Variants in SDK2 observed in about 807,000 individuals in gnomAD.
SDK2 encodes the protein sidekick cell adhesion molecule 2.
Under a neutral mutation model 253.9 loss-of-function variants are expected in SDK2, and 105 were observed. That is an observed-to-expected ratio of 0.41 (90% CI 0.35 to 0.49). SDK2 has a LOEUF of 0.49. Ranked by LOEUF, SDK2 falls within the 20% of genes least tolerant of loss-of-function variation. The pLI is 0.06. For missense variants in SDK2, 2,608 were observed against 3,003.0 expected (o/e 0.87, Z 3.07); for synonymous variants, 1,249 against 1,234.9 (o/e 1.01, Z -0.24).
At chr17:73,391,121 C>T (rs1210139589) in intron 28 of SDK2, among the ~76,000 whole-genome samples, 3 of 152,224 alleles carry the variant, frequency 2.0e-5, no homozygotes, top group Non-Finnish European at 2.9e-5. Flanking sequence ...AGCCTGCCAG[C>T]GTGCCCTCAC....
intron 36 of SDK2, among the ~76,000 whole-genome samples, chr17:73,369,538 G>A (rs905316023): frequency 1.3e-5 from 2 of 152,260 alleles, no homozygotes; most frequent in African/African-American, 4.8e-5. Context: ...ACTTCCTGGG[G>A]TCCGTGTGAG....
chr17:73,457,295 C>T (rs1599584586), intron 3 of SDK2, among the ~76,000 whole-genome samples: 2 of 36,260 alleles, frequency 5.5e-5, no homozygotes, highest in Non-Finnish European at 9.1e-5. Context: ...TCCCCCCTCC[C>T]TCCCTCCCCC....
At chr17:73,473,755 C>A (rs988679366) in intron 2 of SDK2, among the ~76,000 whole-genome samples, 4 of 152,130 alleles carry the variant, frequency 2.6e-5, no homozygotes, top group African/African-American at 9.7e-5. Context: ...TATCATGAAC[C>A]AGTAACACTT....
At chr17:73,597,063 C>A (rs944959279) in intron 1 of SDK2, among the ~76,000 whole-genome samples, 12 of 152,240 alleles carry the variant, frequency 7.9e-5, no homozygotes, top group African/African-American at 2.7e-4. Context: ...CTGGACTCAC[C>A]TCATCTGAAT....
intron 39 of SDK2, among the ~76,000 whole-genome samples, chr17:73,359,042 C>T (rs2062617914): frequency 6.6e-6 from 1 of 152,028 alleles, no homozygotes; most frequent in Admixed American, 6.5e-5. Context: ...GTCCAGAATC[C>T]CGACCCCACA....
Position 73,499,793 on chromosome 17 carries a change from A to AAAGG in SDK2, c.224+7641_224+7644dup, listed in dbSNP as rs1290539778. Reference sequence around the variant, plus strand: ...TCACCTGTTGTGAGATGACGGCAGTAAAGGACTTGGCACCCATGAGCCTCC... The same window carrying AAAGG: ...TCACCTGTTGTGAGATGACGGCAGTAAAGGAAGGACTTGGCACCCATGAGCCTCC... On this transcript the variant is annotated intron_variant, in intron 2 of 44. Coordinates refer to ENST00000392650, the MANE Select transcript of SDK2 (RefSeq NM_001144952.2). Among the ~76,000 whole-genome samples, 4 of 152,044 alleles carry AAAGG rather than the reference A, an allele frequency of 2.6e-5. No individual in the cohort carries two copies. In the South Asian group the frequency reaches 8.3e-4, roughly 32 times the overall value.
Position 73,570,860 on chromosome 17 carries a change from T to C in SDK2, c.65-63263A>G, listed in dbSNP as rs760718479. On this transcript the variant is annotated intron_variant, in intron 1 of 44. Coordinates refer to ENST00000392650, the MANE Select transcript of SDK2 (RefSeq NM_001144952.2). This position sits in a 1 kb window ranked among gnomAD's most constrained non-coding sequence, Gnocchi z 4.2. ...TGCTCCTCCCAGGCCTGCAGGGACA[T>C]GGCTGACCTCACATGCTCTGTGCCC... 3.9e-5 allele frequency among the ~76,000 whole-genome samples: 6 copies of C among 152,148 alleles called. No individual in the cohort carries two copies. The highest frequency in any genetic ancestry group is 8.8e-5 in the Non-Finnish European group (6 of 68,020).
rs373596617 is a variant in SDK2 at position 73,638,230 on chromosome 17, C to T, written c.64+5795G>A. 1.6e-4 allele frequency among the ~76,000 whole-genome samples: 25 copies of T among 152,302 alleles called. No homozygotes were observed. In the South Asian group the frequency reaches 2.3e-3, roughly 14 times the overall value. ...TGCCTCCAGTAAGCATTCATTCATT[C>T]ATTCAGTCTTCATATTATGCTGACT... On this transcript the variant is annotated intron_variant, in intron 1 of 44. Coordinates refer to ENST00000392650, the MANE Select transcript of SDK2 (RefSeq NM_001144952.2).
chr17:73,431,694 C>T lies in SDK2; in HGVS notation c.1313-25G>A. 1 of 1,578,394 alleles carries T rather than the reference C, an allele frequency of 6.3e-7. No individual in the cohort carries two copies. Among genetic ancestry groups the T allele is most frequent in the Non-Finnish European group, 8.6e-7 (1 of 1,161,512 alleles). On this transcript the variant is annotated intron_variant, in intron 10 of 44. Transcript: ENST00000392650. This position sits in a 1 kb window ranked among gnomAD's most constrained non-coding sequence, Gnocchi z 5.6. Reference sequence around the variant, plus strand: ...CCTGAGGGCAAAACAGGGTGGGGGTCAGCCTGTAGCCCCCAAGGGCACACC... The same window carrying T: ...CCTGAGGGCAAAACAGGGTGGGGGTTAGCCTGTAGCCCCCAAGGGCACACC...
intron 1 of SDK2, among the ~76,000 whole-genome samples, chr17:73,614,898 A>C (rs1344214950): frequency 6.6e-6 from 1 of 151,946 alleles, no homozygotes; most frequent in Non-Finnish European, 1.5e-5. Context: ...TTTGGGTGAC[A>C]GCATGGTTAG....
intron 1 of SDK2, among the ~76,000 whole-genome samples, chr17:73,525,475 C>G (rs570895988): frequency 6.6e-6 from 1 of 152,072 alleles, no homozygotes; most frequent in East Asian, 1.9e-4. Flanking sequence ...GAATAAAACA[C>G]GTGGTCCAAA....
At chr17:73,509,921 AAG>A in intron 1 of SDK2, among the ~76,000 whole-genome samples, 1 of 146,708 alleles carries the variant, frequency 6.8e-6, no homozygotes, top group Non-Finnish European at 1.5e-5. Flanking sequence ...AAAAAAAAAA[AAG>A]AAGGAAAGAA....
chr17:73,447,482 G>T lies in SDK2; in HGVS notation c.613+133C>A. 1.5e-6 allele frequency: 2 copies of T among 1,303,204 alleles called. No homozygotes were observed. Among genetic ancestry groups the T allele is most frequent in the Non-Finnish European group, 2.1e-6 (2 of 942,596 alleles). 80.7% of individuals were successfully genotyped at this position (1,303,204 alleles called of 1,614,324 possible). On this transcript the variant is annotated intron_variant, in intron 5 of 44. Transcript: ENST00000392650. This position sits in a 1 kb window ranked among gnomAD's most constrained non-coding sequence, Gnocchi z 4.0. ...GCTGTGTCTCGTCCTCCTTGGGAAG[G>T]CTCCCCCCGGCCGTCCCCTAGCTTC...
intron 4 of SDK2, among the ~76,000 whole-genome samples, chr17:73,450,842 G>A (rs191931311): frequency 6.2e-4 from 94 of 152,300 alleles, no homozygotes; most frequent in East Asian, 1.9e-4. Flanking sequence ...GCACAGGAAG[G>A]CCCTCACAGG....
rs566804360 is a variant in SDK2 at position 73,549,799 on chromosome 17, C to T, written c.65-42202G>A. On this transcript the variant is annotated intron_variant, in intron 1 of 44. Transcript: ENST00000392650. Reference sequence around the variant, plus strand: ...GTGAGAGCGGGGCTCAAGATGTGAGCGAGGTGGCATGATGAGAGGCACTGA... The same window carrying T: ...GTGAGAGCGGGGCTCAAGATGTGAGTGAGGTGGCATGATGAGAGGCACTGA... Among the ~76,000 whole-genome samples the T allele has an allele frequency of 3.9e-5, 6 of 152,144 alleles. No individual in the cohort carries two copies. In the East Asian group the frequency reaches 5.8e-4, roughly 15 times the overall value.
chr17:73,605,060 A>G (rs2045889793), intron 1 of SDK2, among the ~76,000 whole-genome samples: 1 of 152,220 alleles, frequency 6.6e-6, no homozygotes, highest in African/African-American at 2.4e-5. Flanking sequence ...AACTATGGGC[A>G]AGGGGGCAAG....
chr17:73,487,221 A>C (rs1368724758), intron 2 of SDK2, among the ~76,000 whole-genome samples: 2 of 152,208 alleles, frequency 1.3e-5, no homozygotes, highest in Non-Finnish European at 2.9e-5. Context: ...AGTGTGAGCC[A>C]CTGTGCCCAG....
intron 15 of SDK2, among the ~76,000 whole-genome samples, chr17:73,421,527 G>T (rs2063230011): frequency 6.8e-6 from 1 of 147,924 alleles, no homozygotes; most frequent in Non-Finnish European, 1.5e-5. Context: ...GTATCACCGT[G>T]TGATGTTTTT....
At position 73,541,917 on chromosome 17, in the gene SDK2, C is replaced by T. The variant is rs1327294224; in HGVS notation, c.65-34320G>A. Among the ~76,000 whole-genome samples the T allele has an allele frequency of 6.6e-6, 1 of 152,168 alleles. No homozygotes were observed. The highest frequency in any genetic ancestry group is 1.5e-5 in the Non-Finnish European group (1 of 68,034). On this transcript the variant is annotated intron_variant, in intron 1 of 44. Transcript: ENST00000392650. This position sits in a 1 kb window ranked among gnomAD's most constrained non-coding sequence, Gnocchi z 4.3. ...GTCCAGGCCTGTTCTTGCCTGTGTG[C>T]CCTGAGGAGAGCCCCAAACCTCTCT...
Sources: gnomAD v4.1 joint callset for allele counts (sites outside exome capture counted in the v4.1 genomes callset) on GRCh38, gnomAD v4.1.1 for gene constraint, Gnocchi (gnomAD v3.1) non-coding constraint, MANE v1.5 for transcripts, NCBI Gene and HGNC (gene_info 2026-07-23, HGNC 2026-07-21) for gene names.